TTC29: variants seen among roughly 807,000 people sequenced by gnomAD.
TTC29 encodes the protein tetratricopeptide repeat protein 29.
Under a neutral mutation model 58.1 loss-of-function variants are expected in TTC29, and 49 were observed. That is an observed-to-expected ratio of 0.84 (90% CI 0.67 to 1.07). TTC29 has a LOEUF of 1.07. Among genes scored for constraint, TTC29 ranks in the 50% least tolerant of loss-of-function variants. The pLI is 0.00. For synonymous variants in TTC29, 209 were observed against 196.8 expected (o/e 1.06, Z -0.52); for missense variants, 582 against 555.6 (o/e 1.05, Z -0.48).
At chr4:146,767,399 T>C (rs1173171345) in intron 11 of TTC29, among the ~76,000 whole-genome samples, 1 of 152,012 alleles carries the variant, frequency 6.6e-6, no homozygotes, top group Non-Finnish European at 1.5e-5. Flanking sequence ...TCCCTACCTT[T>C]CTTCTCCCCC....
At chr4:146,874,282 C>T (rs902219681) in intron 7 of TTC29, among the ~76,000 whole-genome samples, 3 of 152,072 alleles carry the variant, frequency 2.0e-5, no homozygotes, top group African/African-American at 2.4e-5. Context: ...TGTTACAGTC[C>T]TATTTTCCTG....
At chr4:146,784,272 C>G (rs980726950) in intron 11 of TTC29, among the ~76,000 whole-genome samples, 8 of 151,632 alleles carry the variant, frequency 5.3e-5, no homozygotes, top group African/African-American at 1.5e-4. Flanking sequence ...AAACTTACTC[C>G]AATAAGTGAC....
Position 146,777,052 on chromosome 4 carries a change from T to G in TTC29, c.1330+26405A>C, listed in dbSNP as rs1178671883. On this transcript the variant is annotated intron_variant, in intron 11 of 12. Transcript: ENST00000325106. ...GGTGGGGTTACCAGTGTCTTTGCCA[T>G]GTTCACACCAGCAATGGAAGTTCGG... Among the ~76,000 whole-genome samples the G allele has an allele frequency of 2.6e-5, 4 of 152,096 alleles. No individual in the cohort carries two copies. In the East Asian group the frequency reaches 7.7e-4, roughly 29 times the overall value.
chr4:146,831,823 C>A lies in TTC29; in HGVS notation c.977+1983G>T, dbSNP rs536816262. 384 of 391,714 alleles carry A rather than the reference C, an allele frequency of 9.8e-4. 2 individuals carry two copies. Among genetic ancestry groups the A allele is most frequent in the South Asian group, 7.1e-3 (375 of 53,110 alleles). The allele number at this position is 391,714 out of a possible 1,614,324, so 24.3% of individuals were successfully genotyped here. On this transcript the variant is annotated intron_variant, in intron 9 of 12. Transcript: ENST00000325106. Reference sequence around the variant, plus strand: ...GAAGTTTCAAAAATAATTATAAAGACCATCAGTAACCAAAGGGGCATTTCA... The same window carrying A: ...GAAGTTTCAAAAATAATTATAAAGAACATCAGTAACCAAAGGGGCATTTCA...
At chr4:146,942,439 G>A (rs1560745524) in intron 2 of TTC29, 2 of 453,758 alleles carry the variant, frequency 4.4e-6, no homozygotes, top group East Asian at 3.1e-5. Context: ...TTTCTGATTA[G>A]ATGTTATATT....
chr4:146,878,363 T>A lies in TTC29; in HGVS notation c.587-3435A>T, dbSNP rs115018364. ...TGGGTAAAAGAGAACAGTGACCTAC[T>A]CTTTCCTGAAGGCCTATTAGGTGCT... On this transcript the variant is annotated intron_variant, in intron 6 of 12. Transcript: ENST00000325106. 8.7e-3 allele frequency among the ~76,000 whole-genome samples: 1,325 copies of A among 152,238 alleles called. 18 individuals are homozygous for A. The highest frequency in any genetic ancestry group is 0.031 in the African/African-American group (1,274 of 41,550).
chr4:146,937,987 G>A (rs774999944), intron 3 of TTC29, among the ~76,000 whole-genome samples: 21 of 151,958 alleles, frequency 1.4e-4, no homozygotes, highest in Admixed American at 3.3e-4. Context: ...ACATTTTTTC[G>A]TGGTGTAACT....
chr4:146,751,735 T>C (rs1483056580), intron 11 of TTC29, among the ~76,000 whole-genome samples: 1 of 151,954 alleles, frequency 6.6e-6, no homozygotes, highest in Middle Eastern at 3.2e-3. Flanking sequence ...AATAAACACT[T>C]ACATTAAAAA....
chr4:146,770,050 G>A (rs1037327970), intron 11 of TTC29, among the ~76,000 whole-genome samples: 2 of 151,928 alleles, frequency 1.3e-5, no homozygotes, highest in Non-Finnish European at 2.9e-5. Context: ...TGGACTTCAT[G>A]GTTTTCAGGC....
At chr4:146,908,745 G>GTTT (rs1217542964) in intron 5 of TTC29, among the ~76,000 whole-genome samples, 1 of 152,144 alleles carries the variant, frequency 6.6e-6, no homozygotes, top group Non-Finnish European at 1.5e-5. Context: ...CTAATGATAG[G>GTTT]AACTATGTTA....
intron 2 of TTC29, among the ~76,000 whole-genome samples, chr4:146,940,197 T>TA (rs1736246316): frequency 6.6e-6 from 1 of 152,200 alleles, no homozygotes; most frequent in South Asian, 2.1e-4. Flanking sequence ...GCATCTTTGG[T>TA]AAGAGTTTTG....
At chr4:146,923,328 C>G (rs1000632301) in intron 4 of TTC29, among the ~76,000 whole-genome samples, 1 of 151,724 alleles carries the variant, frequency 6.6e-6, no homozygotes, top group Non-Finnish European at 1.5e-5. Context: ...AAATCACACA[C>G]GCGCGTGCAC....
At chr4:146,709,012 T>A in intron 11 of TTC29, among the ~76,000 whole-genome samples, 1 of 152,114 alleles carries the variant, frequency 6.6e-6, no homozygotes, top group East Asian at 1.9e-4. Flanking sequence ...TGTCATTAGA[T>A]TATACAGTCA....
In TTC29 at chr4:146,707,012, C is replaced by T. The variant is rs923769440; in HGVS notation, c.*146G>A. 1.3e-5 allele frequency: 6 copies of T among 472,614 alleles called. No homozygotes were observed. The highest frequency in any genetic ancestry group is 6.1e-5 in the African/African-American group (3 of 49,516). The allele number at this position is 472,614 out of a possible 1,614,324, so 29.3% of individuals were successfully genotyped here. A position where few individuals can be genotyped will look rare whatever the true frequency, so the allele number is the denominator to read the frequency against. On this transcript the variant is annotated 3_prime_UTR_variant, in exon 13 of 13. Transcript: ENST00000325106. ...GTTTTGGATTAAATTTATAGTAACA[C>T]ACTGAAATGCAAAATCCAATGAAAA...
chr4:146,840,217 T>C (rs17022009), intron 8 of TTC29, among the ~76,000 whole-genome samples: 17,967 of 150,960 alleles, frequency 0.12, 1,765 homozygotes, highest in African/African-American at 0.26. Context: ...CTAGAAGCTC[T>C]GCAGCTTTTT....
intron 6 of TTC29, among the ~76,000 whole-genome samples, chr4:146,885,156 C>A (rs886713002): frequency 2.6e-5 from 4 of 152,114 alleles, no homozygotes; most frequent in Middle Eastern, 3.4e-3. Flanking sequence ...GTCTTGAGAA[C>A]CTCCTCAGTC....
chr4:146,848,614 T>A (rs183922722), intron 8 of TTC29, among the ~76,000 whole-genome samples: 1 of 152,350 alleles, frequency 6.6e-6, no homozygotes, highest in Admixed American at 6.5e-5. Context: ...GCTAGCATTC[T>A]TATAGTAAGC....
intron 5 of TTC29, among the ~76,000 whole-genome samples, chr4:146,907,004 C>T (rs1733563784): frequency 6.6e-6 from 1 of 152,144 alleles, no homozygotes; most frequent in Non-Finnish European, 1.5e-5. Flanking sequence ...TGCCTGTAGT[C>T]CCAGCTACTC....
At chr4:146,909,537 C>A (rs539109272) in intron 4 of TTC29, among the ~76,000 whole-genome samples, 1 of 151,986 alleles carries the variant, frequency 6.6e-6, no homozygotes, top group African/African-American at 2.4e-5. Context: ...AGCTAGTTGA[C>A]TGATGAATAT....
Sources: allele counts gnomAD v4.1 joint callset (sites outside exome capture counted in the v4.1 genomes callset), GRCh38; gene constraint gnomAD v4.1.1; transcripts MANE v1.5; gene names NCBI Gene and HGNC (gene_info 2026-07-23, HGNC 2026-07-21).